The following MCTP2 variants were observed in gnomAD, a reference collection of about 807,000 sequenced individuals.
MCTP2 encodes the protein multiple C2 and transmembrane domain-containing protein 2.
MCTP2 carries 132 observed loss-of-function variants against 111.6 expected under a neutral mutation model. The observed-to-expected ratio is 1.18, with a 90% CI of 1.03 to 1.37. MCTP2 has a LOEUF of 1.37. Ranked by LOEUF, MCTP2 falls within the 40% of genes most tolerant of loss-of-function variation. The pLI is 0.00. For missense variants in MCTP2, 1,183 were observed against 1,067.9 expected, an observed-to-expected ratio of 1.11 and a Z score of -1.50; for synonymous variants, 395 against 387.7, an observed-to-expected ratio of 1.02 and a Z score of -0.22.
intron 4 of MCTP2, among the ~76,000 whole-genome samples, chr15:94,331,579 A>AT (rs1596378815): frequency 6.6e-6 from 1 of 152,324 alleles, no homozygotes; most frequent in East Asian, 1.9e-4. Context: ...CTTATGTCTC[A>AT]TTGTTTATCC....
chr15:94,440,572 A>T (rs999715186), intron 18 of MCTP2, among the ~76,000 whole-genome samples: 6 of 152,196 alleles, frequency 3.9e-5, no homozygotes, highest in Non-Finnish European at 8.8e-5. Context: ...CTGTGTGCTC[A>T]TCTGATTCTC....
chr15:94,245,494 GTATT>G (rs1237535046), intron 1 of MCTP2, among the ~76,000 whole-genome samples: 3 of 137,430 alleles, frequency 2.2e-5, no homozygotes, highest in East Asian at 2.1e-4. Context: ...ATACATGTAT[GTATT>G]TATATATGTA....
At chr15:94,295,407 A>C (rs2075227559) in intron 1 of MCTP2, among the ~76,000 whole-genome samples, 1 of 152,202 alleles carries the variant, frequency 6.6e-6, no homozygotes, top group African/African-American at 2.4e-5. Context: ...GTTGAAACAC[A>C]TATGGCTCCA....
intron 17 of MCTP2, among the ~76,000 whole-genome samples, chr15:94,417,992 C>T (rs575608519): frequency 5.9e-5 from 9 of 152,192 alleles, no homozygotes; most frequent in Admixed American, 5.9e-4. Flanking sequence ...CTTAATACAG[C>T]GAACTGCTTT....
chr15:94,237,257 G>A (rs12904339), intron 1 of MCTP2, among the ~76,000 whole-genome samples: 69,830 of 151,976 alleles, frequency 0.46, 16,263 homozygotes, highest in African/African-American at 0.51. Context: ...TGCAGTTGCT[G>A]TAACAACTGA....
Position 94,481,880 on chromosome 15 carries a change from G to C in MCTP2, c.*2846G>C, listed in dbSNP as rs1447629122. The stretch of plus-strand genomic sequence containing the variant: ...TGTGCTGCTTTCAGAACAGAGGGCT[G>C]GATTGGATAGATTAGTATGATCTAT... On this transcript the variant is annotated 3_prime_UTR_variant, in exon 23 of 23. Transcript: ENST00000357742. The C allele has an allele frequency of 6.6e-6, 1 of 152,146 alleles. No individual in the cohort carries two copies. The highest frequency in any genetic ancestry group is 1.5e-5 in the Non-Finnish European group (1 of 68,026). 9.4% of individuals were successfully genotyped at this position (152,146 alleles called of 1,614,324 possible).
chr15:94,456,395 C>G (rs1214453459), intron 19 of MCTP2, among the ~76,000 whole-genome samples: 2 of 152,172 alleles, frequency 1.3e-5, no homozygotes, highest in Non-Finnish European at 2.9e-5. Context: ...GAGTCATTTT[C>G]CAAGAAATTG....
chr15:94,389,474 A>C (rs560806459), intron 14 of MCTP2, among the ~76,000 whole-genome samples: 2 of 152,268 alleles, frequency 1.3e-5, no homozygotes, highest in East Asian at 3.9e-4. Flanking sequence ...CTCTAGTATG[A>C]AGCAAATTAG....
At position 94,384,553 on chromosome 15, in the gene MCTP2, G is replaced by A. The variant is rs191962194; in HGVS notation, c.1685+429G>A. On this transcript the variant is annotated intron_variant, in intron 13 of 22. Transcript: ENST00000357742. Reference sequence around the variant, plus strand: ...TCCTTATATTCCAGTTTATCTGAGCGACCCATCCCATAGTGATTCTCTGCC... The same window carrying A: ...TCCTTATATTCCAGTTTATCTGAGCAACCCATCCCATAGTGATTCTCTGCC... Among the ~76,000 whole-genome samples, 89 of 152,148 alleles carry A rather than the reference G, an allele frequency of 5.8e-4. 1 individual carries two copies. The highest frequency in any genetic ancestry group is 4.6e-3 in the South Asian group (22 of 4,818).
intron 1 of MCTP2, among the ~76,000 whole-genome samples, chr15:94,254,577 C>G (rs2072647554): frequency 6.6e-6 from 1 of 152,208 alleles, no homozygotes; most frequent in African/African-American, 2.4e-5. Context: ...AAATTATCCA[C>G]TTCATTTGGA....
At chr15:94,385,331 A>G in intron 13 of MCTP2, 92 bp from the exon 14 acceptor site, 1 of 837,678 alleles carries the variant, frequency 1.2e-6, no homozygotes, top group Non-Finnish European at 2.0e-6. Flanking sequence ...AAGGACATAC[A>G]GACTTAATTA....
chr15:94,232,314 C>T (rs2070236492), intron 1 of MCTP2, among the ~76,000 whole-genome samples: 1 of 152,042 alleles, frequency 6.6e-6, no homozygotes, highest in Non-Finnish European at 1.5e-5. Context: ...AAGAGGTTTT[C>T]TCTAGTCTGA....
chr15:94,367,987 G>T (rs1363200814), intron 11 of MCTP2, among the ~76,000 whole-genome samples, 196 bp downstream of exon 11: 2 of 152,208 alleles, frequency 1.3e-5, no homozygotes, highest in Non-Finnish European at 2.9e-5. Flanking sequence ...GTAGAATTAA[G>T]AGTTGGTTTT....
chr15:94,460,476 A>G (rs2085115993), intron 20 of MCTP2, among the ~76,000 whole-genome samples: 1 of 152,160 alleles, frequency 6.6e-6, no homozygotes, highest in South Asian at 2.1e-4. Flanking sequence ...AAGTCAGTGG[A>G]AGAAAGTTCA....
At chr15:94,277,522 A>G (rs1419591642) in intron 1 of MCTP2, among the ~76,000 whole-genome samples, 2 of 152,196 alleles carry the variant, frequency 1.3e-5, no homozygotes, top group African/African-American at 2.4e-5. Context: ...ATGAAAAGGC[A>G]TGGAGGAACC....
chr15:94,262,820 A>G (rs969961001), intron 1 of MCTP2, among the ~76,000 whole-genome samples: 1 of 151,930 alleles, frequency 6.6e-6, no homozygotes, highest in African/African-American at 2.4e-5. Flanking sequence ...ACAGCCACCT[A>G]CCACAATGGC....
intron 20 of MCTP2, among the ~76,000 whole-genome samples, chr15:94,470,065 CTTCTCTGGAACTAT>C (rs1039235619): frequency 2.0e-5 from 3 of 152,104 alleles, no homozygotes; most frequent in African/African-American, 7.2e-5. Context: ...AGCCAAAAGT[CTTCTCTGGAACTAT>C]GGGTTCCAGG....
At chr15:94,297,539 A>G (rs1008353693) in intron 1 of MCTP2, among the ~76,000 whole-genome samples, 3 of 152,142 alleles carry the variant, frequency 2.0e-5, no homozygotes, top group Non-Finnish European at 4.4e-5. Flanking sequence ...CCTAGTCGAT[A>G]GGGCCATGTT....
chr15:94,335,936 A>G (rs2077339638), intron 4 of MCTP2, among the ~76,000 whole-genome samples: 1 of 151,986 alleles, frequency 6.6e-6, no homozygotes, highest in East Asian at 1.9e-4. Flanking sequence ...TAGAGGAGAG[A>G]TTTTACTTTT....
Sources: allele counts gnomAD v4.1 joint callset (sites outside exome capture counted in the v4.1 genomes callset), GRCh38; gene constraint gnomAD v4.1.1; transcripts MANE v1.5; gene names NCBI Gene and HGNC (gene_info 2026-07-23, HGNC 2026-07-21).